The following PLA2R1 variants were observed in gnomAD, a reference collection of about 807,000 sequenced individuals.
PLA2R1 encodes phospholipase A2 receptor 1, also known as secretory phospholipase A2 receptor.
A neutral mutation model predicts 195.9 loss-of-function variants in PLA2R1; 158 were observed. The observed-to-expected ratio is 0.81, with a 90% CI of 0.71 to 0.92. The LOEUF (loss-of-function observed/expected upper bound fraction) is 0.92, where lower values mean the gene tolerates loss of function less well. Among genes scored for constraint, PLA2R1 ranks in the 40% least tolerant of loss-of-function variants. PLA2R1 has a pLI of 0.00. For missense variants in PLA2R1, 1,626 were observed against 1,764.6 expected (o/e 0.92, Z 1.41); for synonymous variants, 586 against 598.2 (o/e 0.98, Z 0.30).
intron 23 of PLA2R1, among the ~76,000 whole-genome samples, chr2:159,953,885 A>T (rs575888287): frequency 7.9e-5 from 12 of 152,230 alleles, no homozygotes; most frequent in Non-Finnish European, 1.3e-4. Context: ...CCAGGCTGGA[A>T]TGCAGTGGTG....
At chr2:159,948,314 A>C (rs1687516299) in intron 25 of PLA2R1, among the ~76,000 whole-genome samples, 1 of 152,156 alleles carries the variant, frequency 6.6e-6, no homozygotes, top group Admixed American at 6.5e-5. Context: ...AGCTCACTGC[A>C]GCCTCAAACT....
At position 159,933,223 on chromosome 2, in the gene PLA2R1, G is replaced by A. The variant is rs763608138; in HGVS notation, c.*8555C>T. The A allele has an allele frequency of 2.6e-5, 4 of 152,096 alleles. No homozygotes were observed. The highest frequency in any genetic ancestry group is 9.7e-5 in the African/African-American group (4 of 41,412). The allele number at this position is 152,096 out of a possible 1,614,324, so 9.4% of individuals were successfully genotyped here. A position where few individuals can be genotyped will look rare whatever the true frequency, so the allele number is the denominator to read the frequency against. On this transcript the variant is annotated 3_prime_UTR_variant, in exon 30 of 30. Coordinates refer to ENST00000283243, the MANE Select transcript of PLA2R1 (RefSeq NM_007366.5). ...TAATTCTGAGTAAAGAAGGTCACCG[G>A]TATACATAGGGTTCATTTTGTGGTT... is the stretch of plus-strand genomic sequence containing the variant.
intron 11 of PLA2R1, among the ~76,000 whole-genome samples, chr2:160,001,031 G>A (rs556249647): frequency 2.6e-5 from 4 of 152,182 alleles, no homozygotes; most frequent in African/African-American, 9.6e-5. Context: ...CCATCTTCAG[G>A]TTGCGGGAGT....
chr2:160,040,107 T>A (rs915201300), intron 3 of PLA2R1, among the ~76,000 whole-genome samples: 3 of 152,142 alleles, frequency 2.0e-5, no homozygotes, highest in Non-Finnish European at 4.4e-5. Context: ...AAAAATAATA[T>A]GACATCTGTT....
intron 1 of PLA2R1, among the ~76,000 whole-genome samples, chr2:160,052,068 G>A (rs1695245135): frequency 6.6e-6 from 1 of 152,100 alleles, no homozygotes; most frequent in African/African-American, 2.4e-5. Context: ...TACAGCTTCT[G>A]AACCTAGATA....
At chr2:160,054,224 C>T in intron 1 of PLA2R1, among the ~76,000 whole-genome samples, 1 of 152,036 alleles carries the variant, frequency 6.6e-6, no homozygotes, top group Non-Finnish European at 1.5e-5. Flanking sequence ...CAGCTTGAGA[C>T]CAGGAGTTTG....
At position 159,958,823 on chromosome 2, in the gene PLA2R1, T is replaced by C. The variant is rs73002760; in HGVS notation, c.2905-2196A>G. ...AGAGACAAAGATGCTGCTAACCATT[T>C]GCAAAGCACAGGTCAGGTCAGTCTT... On this transcript the variant is annotated intron_variant, in intron 20 of 29. Coordinates refer to ENST00000283243, the MANE Select transcript of PLA2R1 (RefSeq NM_007366.5). 4.3e-3 allele frequency among the ~76,000 whole-genome samples: 661 copies of C among 152,332 alleles called. 6 individuals are homozygous for C. The highest frequency in any genetic ancestry group is 0.015 in the African/African-American group (634 of 41,576).
chr2:160,047,147 G>A (rs746591912), intron 1 of PLA2R1, among the ~76,000 whole-genome samples: 3 of 152,060 alleles, frequency 2.0e-5, no homozygotes, highest in East Asian at 3.9e-4. Context: ...GTGGTTGAGA[G>A]CTCTGGAGTC....
chr2:159,992,570 G>A (rs1171501525), intron 11 of PLA2R1, among the ~76,000 whole-genome samples: 8 of 146,906 alleles, frequency 5.4e-5, no homozygotes, highest in African/African-American at 1.5e-4. Flanking sequence ...AATCAATATC[G>A]TGAAAATGGC....
At chr2:159,971,474 GCA>G (rs899674108) in intron 17 of PLA2R1, among the ~76,000 whole-genome samples, 3 of 125,846 alleles carry the variant, frequency 2.4e-5, no homozygotes, top group South Asian at 2.2e-4. Flanking sequence ...GTGTGTGCGC[GCA>G]CACACACACA....
At chr2:160,003,594 CTTTT>C (rs764628267) in intron 11 of PLA2R1, among the ~76,000 whole-genome samples, 1 of 152,018 alleles carries the variant, frequency 6.6e-6, no homozygotes, top group Admixed American at 6.5e-5. Context: ...AATAGTAAAA[CTTTT>C]TTTATTCTAT....
chr2:160,022,651 C>T lies in PLA2R1; in HGVS notation c.1294+14G>A. On this transcript the variant is annotated intron_variant, in intron 7 of 29. Transcript: ENST00000283243. ...TATTTTATGCCTTTTAAACCAAAGGCAGCTGGGACTCACCATCTCCAAGGA... is the reference window on the plus strand; with the variant it reads ...TATTTTATGCCTTTTAAACCAAAGGTAGCTGGGACTCACCATCTCCAAGGA... 6.6e-7 allele frequency: 1 copy of T among 1,523,932 alleles called. No homozygotes were observed. Among genetic ancestry groups the T allele is most frequent in the Non-Finnish European group, 8.9e-7 (1 of 1,125,094 alleles). The allele number at this position is 1,523,932 out of a possible 1,614,324, so 94.4% of individuals were successfully genotyped here.
At chr2:160,011,744 T>C (rs2715949) in intron 10 of PLA2R1, among the ~76,000 whole-genome samples, 115,068 of 152,162 alleles carry the variant, frequency 0.76, 43,853 homozygotes, top group East Asian at 0.88. Flanking sequence ...ACCCAAGGTG[T>C]TCTTGGAACC....
At chr2:159,962,263 G>A (rs1242840204) in intron 20 of PLA2R1, among the ~76,000 whole-genome samples, 11 of 152,180 alleles carry the variant, frequency 7.2e-5, no homozygotes, top group African/African-American at 2.2e-4. Flanking sequence ...ACATTATGCA[G>A]TCAACAGAAA....
At chr2:160,027,981 A>G (rs557970842) in intron 6 of PLA2R1, among the ~76,000 whole-genome samples, 1 of 152,368 alleles carries the variant, frequency 6.6e-6, no homozygotes, top group East Asian at 1.9e-4. Context: ...AAAAGAGAAG[A>G]AAATGTTTGC....
At chr2:159,964,318 AT>A (rs1688644676) in intron 20 of PLA2R1, among the ~76,000 whole-genome samples, 2 of 152,372 alleles carry the variant, frequency 1.3e-5, no homozygotes, top group Non-Finnish European at 2.9e-5. Flanking sequence ...TGATGGTTGT[AT>A]AACATTGTGC....
intron 17 of PLA2R1, among the ~76,000 whole-genome samples, chr2:159,975,325 C>T (rs1229294768): frequency 6.6e-6 from 1 of 152,166 alleles, no homozygotes; most frequent in East Asian, 1.9e-4. Flanking sequence ...CTGGCACATA[C>T]TTGATAATGA....
intron 10 of PLA2R1, among the ~76,000 whole-genome samples, chr2:160,009,763 T>A (rs74972546): frequency 7.9e-4 from 120 of 152,238 alleles, no homozygotes; most frequent in Non-Finnish European, 1.6e-3. Flanking sequence ...TGGGGAGATA[T>A]GACAGTTGCA....
chr2:159,998,929 C>T (rs1691409220), intron 11 of PLA2R1, among the ~76,000 whole-genome samples: 1 of 152,112 alleles, frequency 6.6e-6, no homozygotes, highest in African/African-American at 2.4e-5. Context: ...CACACATTTT[C>T]CTGTTGCCAT....
Sources: gnomAD v4.1 joint callset for allele counts (sites outside exome capture counted in the v4.1 genomes callset) on GRCh38, gnomAD v4.1.1 for gene constraint, MANE v1.5 for transcripts, NCBI Gene and HGNC (gene_info 2026-07-23, HGNC 2026-07-21) for gene names.